Variants in ZNF664 observed in about 807,000 individuals in gnomAD.
ZNF664 encodes the protein zinc finger protein 664.
In ZNF664, 10 loss-of-function variants were observed where a neutral mutation model predicts 18.2. The observed-to-expected ratio is 0.55, with a 90% CI of 0.34 to 0.93. The LOEUF (loss-of-function observed/expected upper bound fraction) is 0.93. Among genes scored for constraint, ZNF664 ranks in the 40% least tolerant of loss-of-function variants. The pLI is 0.02. For synonymous variants in ZNF664, 119 were observed against 104.2 expected, an observed-to-expected ratio of 1.14 and a Z score of -0.86; for missense variants, 193 against 319.0, an observed-to-expected ratio of 0.61 and a Z score of 3.01.
rs1398280436 is a variant in ZNF664, at chr12:123,973,920, C to T, written c.-857C>T. On this transcript the variant is annotated 5_prime_UTR_variant, in exon 2 of 5. Transcript: ENST00000337815. ...CGTCCGGCAGAGGAGGCGAGCATCC[C>T]GCTCAGGTGATGAGGAACCCCTCGC... is the stretch of plus-strand genomic sequence containing the variant. 1 of 1,231,900 alleles carries T rather than the reference C, an allele frequency of 8.1e-7. No individual in the cohort carries two copies. The highest frequency in any genetic ancestry group is 1.0e-6 in the Non-Finnish European group (1 of 988,080). 76.3% of individuals were successfully genotyped at this position (1,231,900 alleles called of 1,614,324 possible). A position where few individuals can be genotyped will look rare whatever the true frequency, so the allele number is the denominator to read the frequency against.
chr12:124,013,858 A>T lies in ZNF664; in HGVS notation c.*928A>T, dbSNP rs2138473065. On this transcript the variant is annotated 3_prime_UTR_variant, in exon 5 of 5. Coordinates refer to ENST00000337815, the MANE Select transcript of ZNF664 (RefSeq NM_152437.3). ...CTAATGTTTCAATCTCTATTTCTGT[A>T]ATCTTGGGCAATAATGCATAGGAGT... is the stretch of plus-strand genomic sequence containing the variant. 6.0e-6 allele frequency: 1 copy of T among 167,200 alleles called. No individual in the cohort carries two copies. Among genetic ancestry groups the T allele is most frequent in the South Asian group, 2.1e-4 (1 of 4,830 alleles). 10.4% of individuals were successfully genotyped at this position (167,200 alleles called of 1,614,324 possible).
intron 3 of ZNF664, among the ~76,000 whole-genome samples, chr12:123,994,855 G>T (rs1438488231): frequency 6.6e-6 from 1 of 152,194 alleles, no homozygotes; most frequent in Non-Finnish European, 1.5e-5. Flanking sequence ...CCTTCATGGA[G>T]TGCCTACCTA....
intron 2 of ZNF664, among the ~76,000 whole-genome samples, chr12:123,980,571 A>G (rs1483036683): frequency 6.6e-6 from 1 of 152,222 alleles, no homozygotes; most frequent in Non-Finnish European, 1.5e-5. Flanking sequence ...CCCCTATATC[A>G]TATATTTAGT....
chr12:123,974,177 C>G (rs1441362566), intron 2 of ZNF664, 157 bp downstream of exon 2: 1 of 454,010 alleles, frequency 2.2e-6, no homozygotes, highest in Non-Finnish European at 3.6e-6. Flanking sequence ...GGATCCATCT[C>G]TCCGCCACAT....
At position 124,011,747 on chromosome 12, in the gene ZNF664, G is replaced by A. The variant is rs1165359081; in HGVS notation, c.-398G>A. ...TTCGATACAGGGGATATACTGTACAGTCCTTTTTCTAGAAGTGAGACATAC... is the reference window on the plus strand; with the variant it reads ...TTCGATACAGGGGATATACTGTACAATCCTTTTTCTAGAAGTGAGACATAC... On this transcript the variant is annotated 5_prime_UTR_variant, in exon 5 of 5. Coordinates refer to ENST00000337815, the MANE Select transcript of ZNF664 (RefSeq NM_152437.3). 9.4e-7 allele frequency: 1 copy of A among 1,068,702 alleles called. No individual in the cohort carries two copies. Among genetic ancestry groups the A allele is most frequent in the Non-Finnish European group, 1.1e-6 (1 of 886,550 alleles). The allele number at this position is 1,068,702 out of a possible 1,614,324, so 66.2% of individuals were successfully genotyped here.
In ZNF664 at chr12:123,980,400, T is replaced by A. The variant is rs369087956; in HGVS notation, c.-757+6380T>A. The stretch of plus-strand genomic sequence containing the variant: ...AAAAATGACACACTCTTATGTTACA[T>A]TGGCCATATGTGTCAAGAGTCTTAA... On this transcript the variant is annotated intron_variant, in intron 2 of 4. Coordinates refer to ENST00000337815, the MANE Select transcript of ZNF664 (RefSeq NM_152437.3). Among the ~76,000 whole-genome samples, 109 of 152,320 alleles carry A rather than the reference T, an allele frequency of 7.2e-4. 1 individual carries two copies. Among genetic ancestry groups the A allele is most frequent in the African/African-American group, 2.6e-3 (108 of 41,580 alleles).
chr12:124,005,256 GTTC>G (rs1466302561), intron 3 of ZNF664, among the ~76,000 whole-genome samples: 2 of 152,160 alleles, frequency 1.3e-5, no homozygotes, highest in Non-Finnish European at 2.9e-5. Flanking sequence ...GCTTTTTGCT[GTTC>G]TTATTTTGTC....
At position 124,013,589 on chromosome 12, in the gene ZNF664, C is replaced by T. The variant is rs141046617; in HGVS notation, c.*659C>T. 8.6e-4 allele frequency: 145 copies of T among 167,718 alleles called. No homozygotes were observed. Among genetic ancestry groups the T allele is most frequent in the Non-Finnish European group, 1.7e-3 (116 of 68,528 alleles). The allele number at this position is 167,718 out of a possible 1,614,324, so 10.4% of individuals were successfully genotyped here. A position where few individuals can be genotyped will look rare whatever the true frequency, so the allele number is the denominator to read the frequency against. On this transcript the variant is annotated 3_prime_UTR_variant, in exon 5 of 5. Coordinates refer to ENST00000337815, the MANE Select transcript of ZNF664 (RefSeq NM_152437.3). ...ATTGGCAGACATATATGTCCTTGAA[C>T]CTTTTTTATTTGTGTGGATTCTGCT...
intron 3 of ZNF664, among the ~76,000 whole-genome samples, chr12:124,001,974 A>G (rs1300438065): frequency 1.3e-5 from 2 of 152,250 alleles, no homozygotes; most frequent in Non-Finnish European, 2.9e-5. Flanking sequence ...AGAGGAGCAC[A>G]ACAAAGGAAG....
chr12:123,995,450 C>T (rs1029736619), intron 3 of ZNF664, among the ~76,000 whole-genome samples: 2 of 152,184 alleles, frequency 1.3e-5, no homozygotes, highest in Non-Finnish European at 2.9e-5. Context: ...AGGCTGATAA[C>T]GCTGCTCCAT....
intron 3 of ZNF664, chr12:124,005,976 G>A (rs1376819710): frequency 6.6e-6 from 1 of 152,462 alleles, no homozygotes; most frequent in Non-Finnish European, 1.5e-5. Context: ...CTTGCGCAGA[G>A]CAACACAGAC....
chr12:123,977,081 A>G (rs919143817), intron 2 of ZNF664, among the ~76,000 whole-genome samples: 4 of 152,172 alleles, frequency 2.6e-5, no homozygotes, highest in African/African-American at 9.7e-5. Context: ...CTGTCTCACA[A>G]AACAAACAAA....
At chr12:123,988,942 A>G (rs541095441) in intron 3 of ZNF664, among the ~76,000 whole-genome samples, 1 of 152,334 alleles carries the variant, frequency 6.6e-6, no homozygotes, top group South Asian at 2.1e-4. Context: ...ATAGCTGGGC[A>G]GGAAGAGAAA....
At chr12:124,010,433 A>G (rs1217172703) in intron 3 of ZNF664, among the ~76,000 whole-genome samples, 1 of 152,184 alleles carries the variant, frequency 6.6e-6, no homozygotes, top group Non-Finnish European at 1.5e-5. Context: ...AAGATTTCAG[A>G]GTGAATATTT....
chr12:123,982,340 C>T (rs1447041541), intron 2 of ZNF664, among the ~76,000 whole-genome samples: 3 of 152,158 alleles, frequency 2.0e-5, no homozygotes, highest in Admixed American at 6.5e-5. Context: ...GGGGCCCAGT[C>T]GCTGGGAAGT....
In ZNF664 at chr12:124,013,170, G is replaced by A. The variant is rs557462113; in HGVS notation, c.*240G>A. 2.3e-5 allele frequency: 13 copies of A among 568,836 alleles called. No individual in the cohort carries two copies. The highest frequency in any genetic ancestry group is 4.7e-5 in the South Asian group (2 of 42,928). The allele number at this position is 568,836 out of a possible 1,614,324, so 35.2% of individuals were successfully genotyped here. ...CTCTCAGGTCCCAGTCACAGACGTCGCTTCCTGGGATTCCAGCACGATGCC... is the reference window on the plus strand; with the variant it reads ...CTCTCAGGTCCCAGTCACAGACGTCACTTCCTGGGATTCCAGCACGATGCC... On this transcript the variant is annotated 3_prime_UTR_variant, in exon 5 of 5. Coordinates refer to ENST00000337815, the MANE Select transcript of ZNF664 (RefSeq NM_152437.3).
chr12:124,014,259 A>AG lies in ZNF664; in HGVS notation c.*1330dup, dbSNP rs1482018681. The AG allele has an allele frequency of 6.0e-6, 1 of 167,140 alleles. No homozygotes were observed. The highest frequency in any genetic ancestry group is 1.5e-5 in the Non-Finnish European group (1 of 68,228). The allele number at this position is 167,140 out of a possible 1,614,324, so 10.4% of individuals were successfully genotyped here. Reference sequence around the variant, plus strand: ...GATGTTGAGCTGAGGCCGGAGGAGAAGTAGCAGTCGCTGGCAGAGCACACA... The same window carrying AG: ...GATGTTGAGCTGAGGCCGGAGGAGAAGGTAGCAGTCGCTGGCAGAGCACACA... On this transcript the variant is annotated 3_prime_UTR_variant, in exon 5 of 5. Transcript: ENST00000337815.
chr12:124,000,872 C>T (rs1203222057), intron 3 of ZNF664, among the ~76,000 whole-genome samples: 2 of 152,136 alleles, frequency 1.3e-5, no homozygotes, highest in African/African-American at 4.8e-5. Flanking sequence ...ATTCCCTCCC[C>T]CTGTTTAAGT....
intron 3 of ZNF664, among the ~76,000 whole-genome samples, chr12:123,994,438 T>A (rs117682703): frequency 1.8e-3 from 274 of 152,336 alleles, no homozygotes; most frequent in Admixed American, 4.6e-3. Context: ...ATGACATTTT[T>A]ATGAAAAATA....
Sources: allele counts gnomAD v4.1 joint callset (sites outside exome capture counted in the v4.1 genomes callset), GRCh38; gene constraint gnomAD v4.1.1; transcripts MANE v1.5; gene names NCBI Gene and HGNC (gene_info 2026-07-23, HGNC 2026-07-21).